PCSK5: variants seen among roughly 807,000 people sequenced by gnomAD.
PCSK5 encodes the protein prohormone convertase 5.
PCSK5 carries 129 observed loss-of-function variants against 233.2 expected under a neutral mutation model. That is an observed-to-expected ratio of 0.55 (90% CI 0.48 to 0.64). PCSK5 has a LOEUF of 0.64. Among genes scored for constraint, PCSK5 ranks in the 30% least tolerant of loss-of-function variants. PCSK5 has a pLI of 0.00. For missense variants in PCSK5, 2,076 were observed against 2,430.1 expected, an observed-to-expected ratio of 0.85 and a Z score of 3.06; for synonymous variants, 825 against 879.2, an observed-to-expected ratio of 0.94 and a Z score of 1.09.
At chr9:76,216,384 A>C (rs1825532936) in intron 20 of PCSK5, among the ~76,000 whole-genome samples, 1 of 152,170 alleles carries the variant, frequency 6.6e-6, no homozygotes, top group Non-Finnish European at 1.5e-5. Context: ...TGATGTTATT[A>C]ATGTCAAAGA....
chr9:76,219,755 G>T (rs1034774127), intron 20 of PCSK5, among the ~76,000 whole-genome samples: 1 of 152,152 alleles, frequency 6.6e-6, no homozygotes, highest in South Asian at 2.1e-4. Flanking sequence ...CCTTTCTCCC[G>T]GCCCTCAGCC....
chr9:76,137,979 T>C (rs1052132688), intron 10 of PCSK5, among the ~76,000 whole-genome samples: 2 of 152,160 alleles, frequency 1.3e-5, no homozygotes, highest in African/African-American at 4.8e-5. Flanking sequence ...CCCTAAAGCA[T>C]ATGAATTAGC....
intron 2 of PCSK5, among the ~76,000 whole-genome samples, chr9:75,953,910 G>T (rs570263314): frequency 6.6e-6 from 1 of 152,210 alleles, no homozygotes; most frequent in Admixed American, 6.5e-5. Flanking sequence ...GAAGTCCTGT[G>T]GGGGAAGGCC....
At chr9:75,977,527 G>T (rs1177258824) in intron 2 of PCSK5, among the ~76,000 whole-genome samples, 3 of 149,562 alleles carry the variant, frequency 2.0e-5, no homozygotes, top group African/African-American at 7.4e-5. Context: ...TCTTGAGATG[G>T]AGCCATTTCC....
intron 20 of PCSK5, among the ~76,000 whole-genome samples, chr9:76,207,028 C>T (rs1467128469): frequency 6.6e-6 from 1 of 152,056 alleles, no homozygotes; most frequent in Non-Finnish European, 1.5e-5. Flanking sequence ...CCCCTTCCTC[C>T]ATCTTCAAAG....
At chr9:75,943,360 A>T (rs577590580) in intron 2 of PCSK5, among the ~76,000 whole-genome samples, 41 of 152,206 alleles carry the variant, frequency 2.7e-4, no homozygotes, top group Non-Finnish European at 5.3e-4. Flanking sequence ...AATAAGTGCA[A>T]ACAGCAAACA....
chr9:76,211,125 G>A (rs1187373162), intron 20 of PCSK5, among the ~76,000 whole-genome samples: 1 of 152,242 alleles, frequency 6.6e-6, no homozygotes, highest in Non-Finnish European at 1.5e-5. Flanking sequence ...GATCTGGACT[G>A]AGAAGAATTG....
chr9:76,288,366 A>G (rs574780845), intron 24 of PCSK5, among the ~76,000 whole-genome samples: 1 of 152,190 alleles, frequency 6.6e-6, no homozygotes, highest in Non-Finnish European at 1.5e-5. Flanking sequence ...CAAAACCACC[A>G]GGGCAACACA....
chr9:76,012,406 T>C (rs1017616667), intron 3 of PCSK5, among the ~76,000 whole-genome samples: 1 of 152,180 alleles, frequency 6.6e-6, no homozygotes, highest in African/African-American at 2.4e-5. Flanking sequence ...CCAGTGGACA[T>C]CTGACTGCAA....
Position 76,299,263 on chromosome 9 carries a change from T to C in PCSK5, c.3523+2398T>C, listed in dbSNP as rs537607135. Among the ~76,000 whole-genome samples, 21 of 152,328 alleles carry C rather than the reference T, an allele frequency of 1.4e-4. No homozygotes were observed. In the South Asian group the frequency reaches 4.1e-3, roughly 30 times the overall value. ...AAAGATTGTGCTCGACTCTCTGTTT[T>C]TTCAGCCACCAAAAAGTCACTGCAC... On this transcript the variant is annotated intron_variant, in intron 27 of 37. Coordinates refer to ENST00000674117, the MANE Select transcript of PCSK5 (RefSeq NM_001372043.1).
At position 76,313,646 on chromosome 9, in the gene PCSK5, A is replaced by G. The variant is rs1828935207; in HGVS notation, c.3884+2795A>G. 2.6e-5 allele frequency among the ~76,000 whole-genome samples: 4 copies of G among 152,350 alleles called. No homozygotes were observed. In the South Asian group the frequency reaches 8.3e-4, roughly 32 times the overall value. ...CCAGGAGTTCAAGGTCAGCCTGAGC[A>G]ACATAGCAAGACCCTGTCTCTGAAA... On this transcript the variant is annotated intron_variant, in intron 30 of 37. Coordinates refer to ENST00000674117, the MANE Select transcript of PCSK5 (RefSeq NM_001372043.1).
chr9:76,317,932 A>C (rs1829077910), intron 30 of PCSK5, among the ~76,000 whole-genome samples: 1 of 152,172 alleles, frequency 6.6e-6, no homozygotes, highest in Non-Finnish European at 1.5e-5. Flanking sequence ...AGTGAGAGTA[A>C]ATGATTGTTG....
chr9:76,263,196 CA>C (rs1478470718), intron 24 of PCSK5, among the ~76,000 whole-genome samples: 1 of 152,042 alleles, frequency 6.6e-6, no homozygotes, highest in Non-Finnish European at 1.5e-5. Flanking sequence ...TAAACTAGTT[CA>C]ACCATTGTGG....
chr9:76,104,978 C>A (rs1831918626), intron 8 of PCSK5, among the ~76,000 whole-genome samples: 1 of 152,066 alleles, frequency 6.6e-6, no homozygotes, highest in South Asian at 2.1e-4. Context: ...GCAAATTCAC[C>A]CATAATTTCA....
At chr9:76,351,737 AT>A (rs71372070) in intron 36 of PCSK5, among the ~76,000 whole-genome samples, 4,131 of 144,162 alleles carry the variant, frequency 0.029, 100 homozygotes, top group Non-Finnish European at 0.042. Context: ...GAAACCATGA[AT>A]TTTTTTTTTT....
intron 20 of PCSK5, chr9:76,195,428 T>A (rs966097): frequency 6.6e-6 from 1 of 151,992 alleles, no homozygotes; most frequent in South Asian, 2.1e-4. Flanking sequence ...ACAAAATTCA[T>A]TGGGGTCTAC....
chr9:76,165,490 T>C (rs1823049597), intron 12 of PCSK5, among the ~76,000 whole-genome samples: 1 of 152,268 alleles, frequency 6.6e-6, no homozygotes, highest in African/African-American at 2.4e-5. Context: ...AGTTATTTCC[T>C]GAGTTAATTC....
intron 2 of PCSK5, 97 bp from the exon 3 acceptor site, chr9:75,986,035 A>G: frequency 5.5e-6 from 4 of 724,734 alleles, no homozygotes; most frequent in South Asian, 5.2e-5. Flanking sequence ...TGTGACTTAA[A>G]TAGCCTTGAC....
At chr9:76,299,594 C>T (rs1173527065) in intron 27 of PCSK5, among the ~76,000 whole-genome samples, 1 of 152,118 alleles carries the variant, frequency 6.6e-6, no homozygotes, top group African/African-American at 2.4e-5. Flanking sequence ...ATCACTTGAA[C>T]CCAGGAGGCA....
Sources: allele counts gnomAD v4.1 joint callset (sites outside exome capture counted in the v4.1 genomes callset), GRCh38; gene constraint gnomAD v4.1.1; transcripts MANE v1.5; gene names NCBI Gene and HGNC (gene_info 2026-07-23, HGNC 2026-07-21).